The following AQR variants were observed in gnomAD, a reference collection of about 807,000 sequenced individuals.
The protein encoded by AQR is aquarius intron-binding spliceosomal factor.
A neutral mutation model predicts 180.5 loss-of-function variants in AQR; 61 were observed. That is an observed-to-expected ratio of 0.34 (90% CI 0.28 to 0.42). The LOEUF (loss-of-function observed/expected upper bound fraction) is 0.42, where lower values mean the gene tolerates loss of function less well. AQR is among the 10% of genes least tolerant of loss of function. AQR has a pLI of 1.00. For missense variants in AQR, 1,281 were observed against 1,798.3 expected, an observed-to-expected ratio of 0.71 and a Z score of 5.20; for synonymous variants, 551 against 588.8, an observed-to-expected ratio of 0.94 and a Z score of 0.93.
At chr15:34,963,661 C>CTTTTTTTTTCT (rs1566793151) in intron 2 of AQR, among the ~76,000 whole-genome samples, 17 of 148,584 alleles carry the variant, frequency 1.1e-4, no homozygotes, top group African/African-American at 4.3e-4. Flanking sequence ...TACACGTACA[C>CTTTTTTTTTCT]TTTTTTTTTT....
chr15:34,913,888 T>C (rs1202749316), intron 16 of AQR, among the ~76,000 whole-genome samples: 1 of 152,252 alleles, frequency 6.6e-6, no homozygotes, highest in African/African-American at 2.4e-5. Context: ...CTGACTCAAC[T>C]GATTATTAAG....
At chr15:34,863,155 G>C in intron 32 of AQR, 114 bp from the exon 33 acceptor site, 1 of 992,300 alleles carries the variant, frequency 1.0e-6, no homozygotes, top group South Asian at 2.1e-5. Context: ...GCAATAAAAA[G>C]TTAAGCTTCT....
intron 28 of AQR, 140 bp from the exon 29 acceptor site, chr15:34,875,004 T>A (rs1892871433): frequency 1.3e-6 from 1 of 753,352 alleles, no homozygotes; most frequent in Non-Finnish European, 2.1e-6. Flanking sequence ...CAAACAGGAG[T>A]CTAGCAAATT....
chr15:34,965,436 C>T (rs140701659), intron 1 of AQR, among the ~76,000 whole-genome samples: 2,026 of 152,110 alleles, frequency 0.013, 53 homozygotes, highest in African/African-American at 0.047. Context: ...TTTGGGAGGC[C>T]GAGGCAGGCG....
intron 15 of AQR, 94 bp downstream of exon 15, chr15:34,918,164 G>A: frequency 7.5e-7 from 1 of 1,328,060 alleles, no homozygotes; most frequent in Admixed American, 2.1e-5. Flanking sequence ...AATGTACAGA[G>A]TAGACTCAAG....
intron 1 of AQR, among the ~76,000 whole-genome samples, chr15:34,965,861 T>G (rs1468252630): frequency 6.6e-6 from 1 of 152,220 alleles, no homozygotes; most frequent in African/African-American, 2.4e-5. Context: ...CCTGTTATGA[T>G]GGACTCAGGA....
intron 1 of AQR, among the ~76,000 whole-genome samples, chr15:34,965,567 A>G (rs1483445961): frequency 1.3e-5 from 2 of 152,180 alleles, no homozygotes; most frequent in Admixed American, 1.3e-4. Flanking sequence ...GCTACTTGGG[A>G]GGCTGAGGCA....
chr15:34,930,093 A>T (rs1222421898), intron 12 of AQR, among the ~76,000 whole-genome samples, 165 bp downstream of exon 12: 1 of 152,242 alleles, frequency 6.6e-6, no homozygotes, highest in African/African-American at 2.4e-5. Context: ...TTATAAAAGA[A>T]AGTCTTATTT....
Position 34,855,717 on chromosome 15 carries a change from G to A in AQR, c.*1075C>T, listed in dbSNP as rs1304493993. On this transcript the variant is annotated 3_prime_UTR_variant, in exon 35 of 35. Transcript: ENST00000156471. ...ACAAAGTGCCTGTGAATCACCTGGG[G>A]ACTTTGTTGCAATGTAGATTTAGAT... 3.3e-5 allele frequency: 5 copies of A among 152,040 alleles called. No individual in the cohort carries two copies. The highest frequency in any genetic ancestry group is 3.9e-4 in the East Asian group (2 of 5,192). The allele number at this position is 152,040 out of a possible 1,614,324, so 9.4% of individuals were successfully genotyped here.
Position 34,897,602 on chromosome 15 carries a change from C to T in AQR, c.2347G>A (p.Val783Ile), listed in dbSNP as rs540850704. The change falls in exon 21 of 35, where the codon GTT (valine) becomes ATT (isoleucine). Residue 783 changes from valine to isoleucine, a missense_variant. Transcript: ENST00000156471. ...EAKTLIVEPH[V>I]IPNRGPYPYN... The stretch of plus-strand genomic sequence containing the variant: ...GGATAAGGACCCCTATTAGGAATAA[C>T]ATGGGGCTCAACAATTAAGGTTTTT... 22 of 1,614,096 alleles carry T rather than the reference C, an allele frequency of 1.4e-5. No individual in the cohort carries two copies. In the South Asian group the frequency reaches 1.9e-4, roughly 14 times the overall value.
intron 13 of AQR, among the ~76,000 whole-genome samples, chr15:34,922,037 C>T (rs1003655213): frequency 3.3e-5 from 5 of 152,188 alleles, no homozygotes; most frequent in African/African-American, 4.8e-5. Flanking sequence ...GTCTCAAACT[C>T]CTAAGCTCAA....
Position 34,932,286 on chromosome 15 carries a change from C to T in AQR, c.900+32G>A, listed in dbSNP as rs779961757. On this transcript the variant is annotated intron_variant, in intron 11 of 34. Transcript: ENST00000156471. ...GAAAAGATCAATTTAGAAAGTAAAA[C>T]AATAAATACGTTCAGATACATCAAT... 6 of 1,547,656 alleles carry T rather than the reference C, an allele frequency of 3.9e-6. No homozygotes were observed. In the East Asian group the frequency reaches 1.4e-4, roughly 35 times the overall value.
chr15:34,884,825 A>T, intron 25 of AQR, 91 bp from the exon 26 acceptor site: 1 of 964,562 alleles, frequency 1.0e-6, no homozygotes. Context: ...AAGATCTGCT[A>T]GGTGAAAAAG....
At position 34,906,534 on chromosome 15, in the gene AQR, G is replaced by C. The variant is rs1347117058; in HGVS notation, c.1831+11C>G. The C allele has an allele frequency of 6.2e-7, 1 of 1,613,062 alleles. No homozygotes were observed. Among genetic ancestry groups the C allele is most frequent in the South Asian group, 1.1e-5 (1 of 90,928 alleles). ...ATACACATACTCTTTCAAAAATATA[G>C]GTCACCATACCATCTTCAATGACAC... On this transcript the variant is annotated intron_variant, in intron 18 of 34. Transcript: ENST00000156471.
At chr15:34,869,372 A>T (rs1232834733) in intron 31 of AQR, 1 of 152,086 alleles carries the variant, frequency 6.6e-6, no homozygotes, top group East Asian at 1.9e-4. Flanking sequence ...ATTTAGTAAT[A>T]ACTTTTATAG....
chr15:34,928,119 G>T (rs186825890), intron 12 of AQR, among the ~76,000 whole-genome samples: 1 of 151,324 alleles, frequency 6.6e-6, no homozygotes, highest in Non-Finnish European at 1.5e-5. Flanking sequence ...AGACATCTGC[G>T]TTAATCCTTC....
At chr15:34,934,678 C>T in intron 9 of AQR, 43 bp from the exon 10 acceptor site, 1 of 1,364,370 alleles carries the variant, frequency 7.3e-7, no homozygotes. Flanking sequence ...CCTTACTAGG[C>T]CATTTTGCAT....
At chr15:34,937,247 G>C (rs1055049831) in intron 9 of AQR, among the ~76,000 whole-genome samples, 1 of 117,452 alleles carries the variant, frequency 8.5e-6, no homozygotes. Flanking sequence ...CTGTGGTCTC[G>C]ATCTCCTGAC....
rs765835249 is a variant in AQR, at chr15:34,964,370, C to T, written c.76-80G>A. 83 of 1,217,236 alleles carry T rather than the reference C, an allele frequency of 6.8e-5. No individual in the cohort carries two copies. The Middle Eastern group carries it at 1.1e-3, about 17-fold the overall frequency. The allele number at this position is 1,217,236 out of a possible 1,614,324, so 75.4% of individuals were successfully genotyped here. A position where few individuals can be genotyped will look rare whatever the true frequency, so the allele number is the denominator to read the frequency against. On this transcript the variant is annotated intron_variant, in intron 1 of 34. Coordinates refer to ENST00000156471, the MANE Select transcript of AQR (RefSeq NM_014691.3). ...GGAAGACAGATCATTTAGTGATAAGCGGTTTCTTAACAAGGCCCTACTCGG... is the reference window on the plus strand; with the variant it reads ...GGAAGACAGATCATTTAGTGATAAGTGGTTTCTTAACAAGGCCCTACTCGG...
Sources: gnomAD v4.1 joint callset for allele counts (sites outside exome capture counted in the v4.1 genomes callset) on GRCh38, gnomAD v4.1.1 for gene constraint, MANE v1.5 for transcripts, NCBI Gene and HGNC (gene_info 2026-07-23, HGNC 2026-07-21) for gene names.